The following FSTL5 variants were observed in gnomAD, a reference collection of about 807,000 sequenced individuals.
FSTL5 encodes follistatin like 5.
A neutral mutation model predicts 89.1 loss-of-function variants in FSTL5; 62 were observed. That is an observed-to-expected ratio of 0.70 (90% CI 0.57 to 0.86). The LOEUF is 0.86. FSTL5 is among the 40% of genes least tolerant of loss of function. FSTL5 has a pLI of 0.00. For synonymous variants in FSTL5, 383 were observed against 346.2 expected, an observed-to-expected ratio of 1.11 and a Z score of -1.18; for missense variants, 1,057 against 1,001.6, an observed-to-expected ratio of 1.06 and a Z score of -0.75.
At chr4:161,755,064 T>A (rs1456802816) in intron 6 of FSTL5, among the ~76,000 whole-genome samples, 1 of 152,094 alleles carries the variant, frequency 6.6e-6, no homozygotes, top group Admixed American at 6.5e-5. Flanking sequence ...ATTTGGTATT[T>A]CCTCTCTATA....
chr4:161,559,847 C>A (rs1362486496), intron 8 of FSTL5, among the ~76,000 whole-genome samples: 2 of 151,788 alleles, frequency 1.3e-5, no homozygotes, highest in Non-Finnish European at 2.9e-5. Context: ...GATGCTATAG[C>A]CTATTTACAC....
intron 6 of FSTL5, among the ~76,000 whole-genome samples, chr4:161,692,340 T>TTG (rs1737970469): frequency 1.9e-5 from 1 of 51,572 alleles, no homozygotes; most frequent in Non-Finnish European, 4.1e-5. Context: ...GATATGGAGA[T>TTG]CGTGTGTGTG....
chr4:162,034,018 T>C (rs1386552427), intron 2 of FSTL5, among the ~76,000 whole-genome samples: 1 of 151,992 alleles, frequency 6.6e-6, no homozygotes. Context: ...CCCAGGTTGG[T>C]CTTGAACTCC....
chr4:161,837,916 T>G (rs2126868937), intron 4 of FSTL5, among the ~76,000 whole-genome samples: 1 of 152,292 alleles, frequency 6.6e-6, no homozygotes, highest in Non-Finnish European at 1.5e-5. Flanking sequence ...TCAGGATCAA[T>G]AATACAAATG....
intron 1 of FSTL5, among the ~76,000 whole-genome samples, chr4:162,122,686 C>G (rs1442965044): frequency 6.6e-6 from 1 of 152,030 alleles, no homozygotes; most frequent in East Asian, 1.9e-4. Flanking sequence ...TATTACTTCT[C>G]AAAGTAGGTA....
At chr4:161,806,069 A>G (rs1240001922) in intron 4 of FSTL5, among the ~76,000 whole-genome samples, 1 of 152,158 alleles carries the variant, frequency 6.6e-6, no homozygotes, top group Non-Finnish European at 1.5e-5. Context: ...GGTTTCTGGC[A>G]TCTACTGGGG....
chr4:161,449,735 T>C (rs1733090962), intron 15 of FSTL5, among the ~76,000 whole-genome samples: 1 of 149,324 alleles, frequency 6.7e-6, no homozygotes, highest in Non-Finnish European at 1.5e-5. Context: ...ATAATACATC[T>C]TTTTTTTTTC....
intron 15 of FSTL5, among the ~76,000 whole-genome samples, chr4:161,410,758 C>T (rs977377870): frequency 1.3e-5 from 2 of 151,748 alleles, no homozygotes; most frequent in African/African-American, 4.8e-5. Flanking sequence ...TCTAAAATAT[C>T]TTCATTAAGA....
chr4:161,601,416 A>C (rs1734232307), intron 7 of FSTL5, among the ~76,000 whole-genome samples: 1 of 151,914 alleles, frequency 6.6e-6, no homozygotes, highest in African/African-American at 2.4e-5. Context: ...AAAGAGAAAG[A>C]CCCTCCTTGT....
chr4:161,705,962 A>G (rs1385239822), intron 6 of FSTL5, among the ~76,000 whole-genome samples: 6,031 of 72,134 alleles, frequency 0.084, 497 homozygotes, highest in South Asian at 0.33. Flanking sequence ...GTATATATAT[A>G]TATATATATA....
intron 4 of FSTL5, among the ~76,000 whole-genome samples, chr4:161,882,056 C>T (rs1732651936): frequency 6.6e-6 from 1 of 152,052 alleles, no homozygotes; most frequent in African/African-American, 2.4e-5. Context: ...TTTGATGAGG[C>T]AGTTTAAGAC....
At chr4:162,106,684 A>G (rs1731239718) in intron 2 of FSTL5, among the ~76,000 whole-genome samples, 1 of 152,178 alleles carries the variant, frequency 6.6e-6, no homozygotes, top group African/African-American at 2.4e-5. Flanking sequence ...AAAGGAGCAC[A>G]GGGTTTGTAA....
chr4:161,918,855 C>T (rs1395840468), intron 4 of FSTL5, among the ~76,000 whole-genome samples: 1 of 151,912 alleles, frequency 6.6e-6, no homozygotes, highest in East Asian at 1.9e-4. Flanking sequence ...ATTGGCCAGG[C>T]TGGTTTTGAA....
chr4:161,913,175 C>G (rs1235510362), intron 4 of FSTL5, among the ~76,000 whole-genome samples: 1 of 152,132 alleles, frequency 6.6e-6, no homozygotes, highest in Admixed American at 6.6e-5. Flanking sequence ...AGGAGAAATT[C>G]AAAGCGGCTA....
chr4:161,556,846 G>GTGTA (rs1553997286), intron 8 of FSTL5, among the ~76,000 whole-genome samples: 22 of 142,670 alleles, frequency 1.5e-4, no homozygotes, highest in Admixed American at 1.2e-3. Flanking sequence ...GTGTGTGTGT[G>GTGTA]TATATATATA....
At chr4:162,046,651 A>C (rs1490452956) in intron 2 of FSTL5, among the ~76,000 whole-genome samples, 1 of 152,250 alleles carries the variant, frequency 6.6e-6, no homozygotes, top group Non-Finnish European at 1.5e-5. Flanking sequence ...TTATTATAAC[A>C]GTATTTTCAG....
chr4:162,056,008 G>T (rs1738530945), intron 2 of FSTL5, among the ~76,000 whole-genome samples: 1 of 151,770 alleles, frequency 6.6e-6, no homozygotes, highest in Non-Finnish European at 1.5e-5. Context: ...GCTAATATAT[G>T]CTTCTATATA....
chr4:161,652,836 C>A (rs1474761745), intron 7 of FSTL5, among the ~76,000 whole-genome samples: 1 of 151,898 alleles, frequency 6.6e-6, no homozygotes, highest in Admixed American at 6.6e-5. Context: ...AAGGATATTG[C>A]AAATTGTCAT....
chr4:161,909,587 T>G (rs928357924), intron 4 of FSTL5, among the ~76,000 whole-genome samples: 4 of 152,172 alleles, frequency 2.6e-5, no homozygotes, highest in African/African-American at 9.6e-5. Context: ...TCTCTGTTAC[T>G]TGCAACTGAT....
Sources: allele counts gnomAD v4.1 joint callset (sites outside exome capture counted in the v4.1 genomes callset), GRCh38; gene constraint gnomAD v4.1.1; transcripts MANE v1.5; gene names NCBI Gene and HGNC (gene_info 2026-07-23, HGNC 2026-07-21).